MECOM: variants seen among roughly 807,000 people sequenced by gnomAD.
MECOM encodes the protein MDS1 and EVI1 complex locus.
A neutral mutation model predicts 116.3 loss-of-function variants in MECOM; 13 were observed. The observed-to-expected ratio is 0.11, with a 90% CI of 0.07 to 0.18. MECOM has a LOEUF of 0.18. Ranked by LOEUF, MECOM falls within the 10% of genes least tolerant of loss-of-function variation. The pLI is 1.00. For missense variants in MECOM, 1,299 were observed against 1,509.0 expected (o/e 0.86, Z 2.31); for synonymous variants, 528 against 535.2 (o/e 0.99, Z 0.19).
At chr3:169,307,640 C>A (rs891457107) in intron 2 of MECOM, among the ~76,000 whole-genome samples, 1 of 152,134 alleles carries the variant, frequency 6.6e-6, no homozygotes, top group Non-Finnish European at 1.5e-5. Context: ...TGTAAATGGC[C>A]TCCTGTTAAA....
At chr3:169,613,586 G>A (rs963372807) in intron 1 of MECOM, 1 of 152,222 alleles carries the variant, frequency 6.6e-6, no homozygotes, top group Non-Finnish European at 1.5e-5. Context: ...GGGGGCCCAG[G>A]TCACAGACAC....
At chr3:169,636,021 T>A (rs906180008) in intron 1 of MECOM, among the ~76,000 whole-genome samples, 1 of 152,202 alleles carries the variant, frequency 6.6e-6, no homozygotes, top group African/African-American at 2.4e-5. Context: ...ATGTGGATAA[T>A]ACTTTGTTAT....
intron 2 of MECOM, among the ~76,000 whole-genome samples, chr3:169,368,635 T>G (rs1729579386): frequency 6.6e-6 from 1 of 152,088 alleles, no homozygotes; most frequent in Non-Finnish European, 1.5e-5. Context: ...TACTTCTCAC[T>G]GCTTCTTAAT....
chr3:169,625,034 G>GAA (rs35241873), intron 1 of MECOM, among the ~76,000 whole-genome samples: 1 of 134,092 alleles, frequency 7.5e-6, no homozygotes, highest in African/African-American at 2.7e-5. Flanking sequence ...TTTGTCCTTG[G>GAA]AAAAAAAAAA....
rs998962765 is a variant in MECOM, at chr3:169,223,564, A to G, written c.376-79732T>C. ...CCAATTAAAAAATGTGATAGGTTAT[A>G]AAGTTCAACTGTGTATTTATTGCTG... On this transcript the variant is annotated intron_variant, in intron 2 of 16. Coordinates refer to ENST00000651503, the MANE Select transcript of MECOM (RefSeq NM_004991.4). Among the ~76,000 whole-genome samples, 3 of 152,082 alleles carry G rather than the reference A, an allele frequency of 2.0e-5. 1 individual carries two copies. The highest frequency in any genetic ancestry group is 7.2e-5 in the African/African-American group (3 of 41,420).
intron 1 of MECOM, among the ~76,000 whole-genome samples, chr3:169,421,334 CA>C (rs1320128212): frequency 1.3e-5 from 2 of 152,118 alleles, no homozygotes; most frequent in Non-Finnish European, 2.9e-5. Flanking sequence ...AGATTCAGGA[CA>C]CTGTTAAGGA....
intron 2 of MECOM, among the ~76,000 whole-genome samples, chr3:169,350,190 A>T (rs2149804954): frequency 6.6e-6 from 1 of 152,078 alleles, no homozygotes; most frequent in South Asian, 2.1e-4. Flanking sequence ...TCACATGTCA[A>T]CACCTTTACA....
intron 2 of MECOM, among the ~76,000 whole-genome samples, chr3:169,363,903 C>T (rs570848960): frequency 2.0e-5 from 3 of 152,066 alleles, no homozygotes; most frequent in Non-Finnish European, 4.4e-5. Flanking sequence ...TTTTGTTTCT[C>T]CTCATTAAAC....
chr3:169,127,735 G>A, intron 5 of MECOM, 109 bp downstream of exon 5: 1 of 819,524 alleles, frequency 1.2e-6, no homozygotes, highest in Non-Finnish European at 2.1e-6. Flanking sequence ...GAGTGCATTT[G>A]TCCAGCTCAC....
rs984453676 is a variant in MECOM at position 169,478,622 on chromosome 3, C to T, written c.38-97098G>A. 1.1e-4 allele frequency among the ~76,000 whole-genome samples: 17 copies of T among 152,308 alleles called. 1 individual carries two copies. The highest frequency in any genetic ancestry group is 3.4e-4 in the African/African-American group (14 of 41,570). On this transcript the variant is annotated intron_variant, in intron 1 of 16. Coordinates refer to ENST00000651503, the MANE Select transcript of MECOM (RefSeq NM_004991.4). Reference sequence around the variant, plus strand: ...CAGATACCAAAGGCTTAACCACCCACGGGAATAGCGACTGGTGCCTGCCAC... The same window carrying T: ...CAGATACCAAAGGCTTAACCACCCATGGGAATAGCGACTGGTGCCTGCCAC...
At chr3:169,663,052 T>G (rs1328244892) in intron 1 of MECOM, among the ~76,000 whole-genome samples, 1 of 119,232 alleles carries the variant, frequency 8.4e-6, no homozygotes, top group East Asian at 3.0e-4. Context: ...ACCCCTAGTC[T>G]TTGCTGCCCC....
chr3:169,336,526 T>C (rs1356855667), intron 2 of MECOM, among the ~76,000 whole-genome samples: 1 of 152,018 alleles, frequency 6.6e-6, no homozygotes, highest in Non-Finnish European at 1.5e-5. Context: ...AAAATACATG[T>C]TTAATATGCA....
intron 16 of MECOM, among the ~76,000 whole-genome samples, chr3:169,088,796 C>T (rs771494463): frequency 1.3e-5 from 2 of 152,040 alleles, no homozygotes; most frequent in Non-Finnish European, 2.9e-5. Context: ...ATACAGAATG[C>T]AGCTAAATTA....
intron 2 of MECOM, among the ~76,000 whole-genome samples, chr3:169,379,616 T>C (rs560318674): frequency 6.6e-6 from 1 of 152,242 alleles, no homozygotes; most frequent in Admixed American, 6.5e-5. Flanking sequence ...ATAGGTATTA[T>C]GTTTAAAACG....
intron 8 of MECOM, among the ~76,000 whole-genome samples, chr3:169,113,970 A>G (rs1728280477): frequency 6.6e-6 from 1 of 152,098 alleles, no homozygotes. Context: ...CAAGCACCAG[A>G]GAGATGTTGG....
chr3:169,106,457 GT>G (rs1286490878), intron 10 of MECOM, among the ~76,000 whole-genome samples: 1 of 151,844 alleles, frequency 6.6e-6, no homozygotes, highest in Non-Finnish European at 1.5e-5. Context: ...CCACATAGAG[GT>G]TTTTTTACCA....
At chr3:169,269,604 T>G (rs1484041035) in intron 2 of MECOM, among the ~76,000 whole-genome samples, 1 of 152,180 alleles carries the variant, frequency 6.6e-6, no homozygotes, top group African/African-American at 2.4e-5. Context: ...CTTGCCAAAT[T>G]AAAACATGCT....
At position 169,589,917 on chromosome 3, in the gene MECOM, CA is replaced by C. The variant is rs1766206139; in HGVS notation, c.37+73418del. Among the ~76,000 whole-genome samples, 3 of 152,326 alleles carry C rather than the reference CA, an allele frequency of 2.0e-5. No individual in the cohort carries two copies. In the South Asian group the frequency reaches 6.2e-4, roughly 32 times the overall value. Reference sequence around the variant, plus strand: ...TGGAATCACTGCAACAATTTTGTCACAAAAGACACCAATTGAGCCAACTTGC... The same window carrying C: ...TGGAATCACTGCAACAATTTTGTCACAAAGACACCAATTGAGCCAACTTGC... On this transcript the variant is annotated intron_variant, in intron 1 of 16. Coordinates refer to ENST00000651503, the MANE Select transcript of MECOM (RefSeq NM_004991.4).
intron 1 of MECOM, among the ~76,000 whole-genome samples, chr3:169,472,516 AGG>A (rs1749514860): frequency 3.2e-5 from 3 of 93,708 alleles, no homozygotes; most frequent in South Asian, 3.5e-4. Flanking sequence ...AGGAAAGGAA[AGG>A]AAAGAAAAGA....
Sources: allele counts gnomAD v4.1 joint callset (sites outside exome capture counted in the v4.1 genomes callset), GRCh38; gene constraint gnomAD v4.1.1; transcripts MANE v1.5; gene names NCBI Gene and HGNC (gene_info 2026-07-23, HGNC 2026-07-21).